CNBD1: variants seen among roughly 807,000 people sequenced by gnomAD.
CNBD1 encodes cyclic nucleotide-binding domain-containing protein 1.
A neutral mutation model predicts 54.4 loss-of-function variants in CNBD1; 71 were observed. That is an observed-to-expected ratio of 1.30 (90% CI 1.08 to 1.59). The LOEUF (loss-of-function observed/expected upper bound fraction) is 1.59, where lower values mean the gene tolerates loss of function less well. CNBD1 is among the 40% of genes most tolerant of loss of function. The pLI, the probability that CNBD1 is intolerant of heterozygous loss-of-function variation, is 0.00. For missense variants in CNBD1, 659 were observed against 518.0 expected, an observed-to-expected ratio of 1.27 and a Z score of -2.64; for synonymous variants, 182 against 170.7, an observed-to-expected ratio of 1.07 and a Z score of -0.51.
intron 4 of CNBD1, among the ~76,000 whole-genome samples, chr8:87,082,723 A>G (rs1811021975): frequency 6.6e-6 from 1 of 152,132 alleles, no homozygotes; most frequent in South Asian, 2.1e-4. Flanking sequence ...TGTTTAGACC[A>G]TATACATTTA....
chr8:87,177,964 G>A (rs1266627916), intron 4 of CNBD1, among the ~76,000 whole-genome samples: 1 of 152,184 alleles, frequency 6.6e-6, no homozygotes, highest in African/African-American at 2.4e-5. Flanking sequence ...ATAATGTAAT[G>A]TTGTATGAAC....
intron 4 of CNBD1, among the ~76,000 whole-genome samples, chr8:86,964,096 A>G (rs904146380): frequency 2.0e-5 from 3 of 152,306 alleles, no homozygotes; most frequent in African/African-American, 4.8e-5. Context: ...GAGGTCCTCT[A>G]TAGTACTCTC....
At chr8:87,096,908 G>T (rs1181494727) in intron 4 of CNBD1, among the ~76,000 whole-genome samples, 1 of 151,928 alleles carries the variant, frequency 6.6e-6, no homozygotes, top group Admixed American at 6.6e-5. Context: ...AAGTTTAAAT[G>T]CCAGAAAGCA....
intron 8 of CNBD1, among the ~76,000 whole-genome samples, chr8:87,325,578 G>T (rs968799675): frequency 7.6e-6 from 1 of 132,202 alleles, no homozygotes; most frequent in Non-Finnish European, 1.6e-5. Context: ...TGTCTCTTTT[G>T]ATCTTTGTTG....
intron 9 of CNBD1, among the ~76,000 whole-genome samples, chr8:87,353,004 A>G: frequency 6.6e-6 from 1 of 152,166 alleles, no homozygotes; most frequent in Admixed American, 6.6e-5. Context: ...AACTCCTAGC[A>G]AATCTCCCCG....
chr8:87,085,421 A>G (rs1048613234), intron 4 of CNBD1, among the ~76,000 whole-genome samples: 3 of 152,116 alleles, frequency 2.0e-5, no homozygotes, highest in Non-Finnish European at 2.9e-5. Context: ...AATAAAATTT[A>G]TTGAGTCTTT....
At chr8:86,939,325 G>T (rs1222287518) in intron 3 of CNBD1, among the ~76,000 whole-genome samples, 1 of 152,076 alleles carries the variant, frequency 6.6e-6, no homozygotes, top group East Asian at 1.9e-4. Flanking sequence ...TATGAAAGGT[G>T]TTTCAATTGC....
At chr8:86,956,056 C>T (rs890924788) in intron 4 of CNBD1, among the ~76,000 whole-genome samples, 21 of 152,188 alleles carry the variant, frequency 1.4e-4, no homozygotes, top group East Asian at 3.9e-4. Flanking sequence ...TATGGCTAGC[C>T]GGTTTTCCCA....
At chr8:87,337,462 G>A (rs1029495788) in intron 8 of CNBD1, among the ~76,000 whole-genome samples, 1 of 152,206 alleles carries the variant, frequency 6.6e-6, no homozygotes, top group Admixed American at 6.5e-5. Flanking sequence ...CCTCCCCCAA[G>A]GAGCTCAGAT....
intron 4 of CNBD1, among the ~76,000 whole-genome samples, chr8:87,128,058 T>A (rs1055049130): frequency 6.6e-6 from 1 of 152,148 alleles, no homozygotes; most frequent in African/African-American, 2.4e-5. Context: ...GGAGTTTGGC[T>A]GGGGATAGTC....
intron 4 of CNBD1, among the ~76,000 whole-genome samples, chr8:87,193,601 C>T (rs1350219353): frequency 3.3e-5 from 5 of 152,168 alleles, no homozygotes; most frequent in Admixed American, 6.6e-5. Context: ...AATTTCCTTT[C>T]ACTTATAGAG....
chr8:86,937,105 C>T (rs1023953351), intron 3 of CNBD1, among the ~76,000 whole-genome samples: 28 of 152,142 alleles, frequency 1.8e-4, no homozygotes, highest in African/African-American at 6.8e-4. Context: ...TTCCACATGG[C>T]TGAGGTAGGA....
At chr8:87,381,058 AC>A (rs1275948863) in intron 10 of CNBD1, among the ~76,000 whole-genome samples, 1 of 152,040 alleles carries the variant, frequency 6.6e-6, no homozygotes, top group African/African-American at 2.4e-5. Flanking sequence ...AAACTAGAAA[AC>A]GTTTGCACAG....
intron 4 of CNBD1, among the ~76,000 whole-genome samples, chr8:87,010,695 T>C (rs961443491): frequency 6.6e-6 from 1 of 152,110 alleles, no homozygotes; most frequent in African/African-American, 2.4e-5. Flanking sequence ...CAGTGAGCCG[T>C]GATCACGCCA....
At chr8:87,245,618 A>T (rs927302408) in intron 6 of CNBD1, among the ~76,000 whole-genome samples, 1 of 152,066 alleles carries the variant, frequency 6.6e-6, no homozygotes, top group Admixed American at 6.6e-5. Flanking sequence ...AGATTAAAAA[A>T]AAGTGTTATA....
intron 10 of CNBD1, among the ~76,000 whole-genome samples, chr8:87,377,001 T>C (rs970219296): frequency 7.3e-5 from 11 of 150,308 alleles, no homozygotes; most frequent in Non-Finnish European, 1.5e-5. Flanking sequence ...TGATATTTGT[T>C]TGTTAAATTT....
intron 4 of CNBD1, among the ~76,000 whole-genome samples, chr8:87,162,623 TA>T (rs1216132546): frequency 6.6e-6 from 1 of 152,096 alleles, no homozygotes; most frequent in Non-Finnish European, 1.5e-5. Flanking sequence ...GGATAATTTG[TA>T]AAAAACATAA....
intron 8 of CNBD1, among the ~76,000 whole-genome samples, chr8:87,291,719 A>G (rs1808789700): frequency 6.6e-6 from 1 of 152,126 alleles, no homozygotes. Flanking sequence ...CCTGGGCTCA[A>G]GTGATCATTC....
intron 8 of CNBD1, among the ~76,000 whole-genome samples, chr8:87,328,436 G>T (rs1189056840): frequency 6.7e-6 from 1 of 149,446 alleles, no homozygotes; most frequent in East Asian, 1.9e-4. Context: ...ATAATTTATT[G>T]TGTTTAATTT....
Sources: gnomAD v4.1 joint callset for allele counts (sites outside exome capture counted in the v4.1 genomes callset) on GRCh38, gnomAD v4.1.1 for gene constraint, MANE v1.5 for transcripts, NCBI Gene and HGNC (gene_info 2026-07-23, HGNC 2026-07-21) for gene names.